NEDD9: variants seen among roughly 807,000 people sequenced by gnomAD.
NEDD9 encodes the protein neural precursor cell expressed, developmentally down-regulated 9, also known as enhancer of filamentation 1.
In NEDD9, 26 loss-of-function variants were observed where a neutral mutation model predicts 76.6. The ratio of observed to expected loss-of-function variants is 0.34; its 90% confidence interval spans 0.25 to 0.47. The LOEUF is 0.47. Ranked by LOEUF, NEDD9 falls within the 20% of genes least tolerant of loss-of-function variation. The pLI, the probability that NEDD9 is intolerant of heterozygous loss-of-function variation, is 1.00. For synonymous variants in NEDD9, 392 were observed against 414.2 expected (o/e 0.95, Z 0.65); for missense variants, 937 against 1,058.5 (o/e 0.89, Z 1.59).
intron 3 of NEDD9, among the ~76,000 whole-genome samples, chr6:11,271,032 T>C (rs933189058): frequency 3.9e-5 from 6 of 152,036 alleles, no homozygotes; most frequent in Admixed American, 3.9e-4. Context: ...CAAGTTCAGA[T>C]TCCTTTATTT....
At chr6:11,295,448 A>G (rs1188772846) in intron 3 of NEDD9, among the ~76,000 whole-genome samples, 1 of 152,140 alleles carries the variant, frequency 6.6e-6, no homozygotes, top group Non-Finnish European at 1.5e-5. Flanking sequence ...TTTGTAGTGG[A>G]CACTGGGGTC....
chr6:11,364,365 G>C (rs1383637145), intron 1 of NEDD9, among the ~76,000 whole-genome samples: 1 of 152,138 alleles, frequency 6.6e-6, no homozygotes, highest in Non-Finnish European at 1.5e-5. Context: ...TGAGGTAATA[G>C]AACTTAGCTG....
intron 1 of NEDD9, among the ~76,000 whole-genome samples, chr6:11,354,040 A>G (rs185611394): frequency 6.6e-6 from 1 of 152,370 alleles, no homozygotes; most frequent in East Asian, 1.9e-4. Flanking sequence ...AATTAGCCAC[A>G]AGGTATAACT....
chr6:11,322,903 A>G lies in NEDD9; in HGVS notation c.-153+11598T>C, dbSNP rs931311022. Among the ~76,000 whole-genome samples, 5 of 152,362 alleles carry G rather than the reference A, an allele frequency of 3.3e-5. No individual in the cohort carries two copies. The East Asian group carries it at 9.6e-4, about 29-fold the overall frequency. ...AAAGGTCTTAGACCAGCAGCCAAAA[A>G]ACCCAAGTTCAAATCCATTTACTAC... On this transcript the variant is annotated intron_variant, in intron 2 of 3. Transcript: ENST00000397378.
intron 2 of NEDD9, among the ~76,000 whole-genome samples, chr6:11,207,924 T>A (rs1052169792): frequency 8.5e-5 from 13 of 152,190 alleles, no homozygotes; most frequent in African/African-American, 3.1e-4. Context: ...ATGCCTATTA[T>A]CCCAGCACTT....
intron 1 of NEDD9, among the ~76,000 whole-genome samples, chr6:11,366,357 G>A (rs540957029): frequency 2.8e-5 from 4 of 140,518 alleles, no homozygotes; most frequent in African/African-American, 7.9e-5. Flanking sequence ...AGAAAGAAAT[G>A]AAGAAAGAAA....
chr6:11,342,151 AT>A (rs1762285755), intron 1 of NEDD9, among the ~76,000 whole-genome samples: 1 of 152,100 alleles, frequency 6.6e-6, no homozygotes, highest in Admixed American at 6.5e-5. Flanking sequence ...AAGAACAGAA[AT>A]AAAAAATATT....
chr6:11,314,344 G>A (rs1761476417), intron 2 of NEDD9, among the ~76,000 whole-genome samples: 1 of 152,100 alleles, frequency 6.6e-6, no homozygotes, highest in Admixed American at 6.5e-5. Context: ...ACTCTCAGTG[G>A]GGCTCTGTTA....
At chr6:11,240,060 A>AG (rs1262526823) in intron 3 of NEDD9, among the ~76,000 whole-genome samples, 5 of 149,352 alleles carry the variant, frequency 3.3e-5, no homozygotes, top group African/African-American at 1.2e-4. Flanking sequence ...AAAAAAAAAA[A>AG]AAAGAAATTT....
At chr6:11,238,379 A>G (rs932608964) in intron 3 of NEDD9, among the ~76,000 whole-genome samples, 1 of 152,226 alleles carries the variant, frequency 6.6e-6, no homozygotes, top group African/African-American at 2.4e-5. Flanking sequence ...CTTCATATGA[A>G]TGAATGAATT....
At chr6:11,195,581 C>G (rs1349036843) in intron 2 of NEDD9, among the ~76,000 whole-genome samples, 2 of 152,186 alleles carry the variant, frequency 1.3e-5, no homozygotes, top group African/African-American at 2.4e-5. Context: ...CATAGTGCAG[C>G]TTTTGTTCAG....
At chr6:11,225,493 T>C (rs1759282846) in intron 1 of NEDD9, among the ~76,000 whole-genome samples, 1 of 152,034 alleles carries the variant, frequency 6.6e-6, no homozygotes, top group Non-Finnish European at 1.5e-5. Context: ...TTTTGTTTGT[T>C]TGTTTATTTG....
chr6:11,203,815 C>T (rs1758524421), intron 2 of NEDD9, among the ~76,000 whole-genome samples: 1 of 152,152 alleles, frequency 6.6e-6, no homozygotes, highest in South Asian at 2.1e-4. Context: ...CCTTGTGTCC[C>T]TGCCTGCTCC....
intron 1 of NEDD9, among the ~76,000 whole-genome samples, chr6:11,379,881 C>T (rs1763031276): frequency 6.6e-6 from 1 of 152,218 alleles, no homozygotes; most frequent in Admixed American, 6.5e-5. Context: ...ATCTATGTAT[C>T]TTGTGCTATA....
intron 3 of NEDD9, among the ~76,000 whole-genome samples, chr6:11,255,617 C>T (rs1432675438): frequency 2.0e-5 from 3 of 152,112 alleles, no homozygotes; most frequent in African/African-American, 7.2e-5. Flanking sequence ...GCAAGCTTGG[C>T]GCATGGTGGG....
chr6:11,364,701 T>C (rs1232347227), intron 1 of NEDD9, among the ~76,000 whole-genome samples: 1 of 151,802 alleles, frequency 6.6e-6, no homozygotes, highest in Non-Finnish European at 1.5e-5. Context: ...AAAACATAGT[T>C]ACTCTACTGT....
intron 2 of NEDD9, among the ~76,000 whole-genome samples, chr6:11,330,987 C>A (rs1007356731): frequency 4.0e-5 from 6 of 151,716 alleles, no homozygotes; most frequent in African/African-American, 1.5e-4. Context: ...TGTAGATACT[C>A]TACTCTACAG....
chr6:11,244,930 T>C (rs1281428373), intron 3 of NEDD9, among the ~76,000 whole-genome samples: 1 of 152,204 alleles, frequency 6.6e-6, no homozygotes, highest in Non-Finnish European at 1.5e-5. Context: ...AAATACACCT[T>C]CCTGACTAAC....
intron 2 of NEDD9, chr6:11,200,172 A>C (rs1188411367): frequency 5.4e-6 from 2 of 369,374 alleles, no homozygotes; most frequent in Non-Finnish European, 1.1e-5. Context: ...ACATTGGACT[A>C]TAGGGCTCAC....
Sources: gnomAD v4.1 joint callset for allele counts (sites outside exome capture counted in the v4.1 genomes callset) on GRCh38, gnomAD v4.1.1 for gene constraint, MANE v1.5 for transcripts, NCBI Gene and HGNC (gene_info 2026-07-23, HGNC 2026-07-21) for gene names.